Variants in UNKL observed in about 807,000 individuals in gnomAD.
UNKL encodes putative E3 ubiquitin-protein ligase UNKL.
A neutral mutation model predicts 78.0 loss-of-function variants in UNKL; 60 were observed. The ratio of observed to expected loss-of-function variants is 0.77; its 90% CI spans 0.63 to 0.95. The LOEUF is 0.95. Among genes scored for constraint, UNKL ranks in the 40% least tolerant of loss-of-function variants. The pLI, the probability that UNKL is intolerant of heterozygous loss-of-function variation, is 0.00. For missense variants in UNKL, 1,159 were observed against 1,045.7 expected, an observed-to-expected ratio of 1.11 and a Z score of -1.49; for synonymous variants, 608 against 474.8, an observed-to-expected ratio of 1.28 and a Z score of -3.65.
In UNKL at chr16:1,385,213, A is replaced by T; in HGVS notation, c.1259T>A (p.Val420Asp). The change falls in exon 10 of 15, where the codon GTC (valine) becomes GAC (aspartate). Residue 420 changes from valine (V) to aspartate (D), a missense_variant. Val to Asp is a radical substitution (Grantham distance 152, BLOSUM62 -3). Coordinates refer to ENST00000389221, the MANE Select transcript of UNKL (RefSeq NM_001372107.1). ...GAGGACGGTGCTGGACTTACCGAGG[A>T]CGGCCTCCACAGTGCTGCTGGCGGG... ...LGPASSTVEA[V>D]LGSALDLHLS... is the part of the protein sequence containing the mutation. The T allele has an allele frequency of 7.8e-7, 1 of 1,279,658 alleles. No individual in the cohort carries two copies. The highest frequency in any genetic ancestry group is 9.9e-7 in the Non-Finnish European group (1 of 1,013,668). 79.3% of individuals were successfully genotyped at this position (1,279,658 alleles called of 1,614,324 possible).
At position 1,403,458 on chromosome 16, in the gene UNKL, T is replaced by C. The variant is rs1234517464; in HGVS notation, c.288-114A>G. ...GCAAGCAGTGAATTCCCTTCCCTTC[T>C]TCCAGATTCCTGTTCTAATCAGAAG... is the stretch of plus-strand genomic sequence containing the variant. On this transcript the variant is annotated intron_variant, in intron 2 of 14. Transcript: ENST00000389221. This position sits in a 1 kb window ranked among gnomAD's most constrained non-coding sequence, Gnocchi z 4.8. The C allele has an allele frequency of 3.2e-6, 4 of 1,250,820 alleles. No homozygotes were observed. Among genetic ancestry groups the C allele is most frequent in the Non-Finnish European group, 1.1e-6 (1 of 911,472 alleles). 77.5% of individuals were successfully genotyped at this position (1,250,820 alleles called of 1,614,324 possible).
At position 1,385,341 on chromosome 16, in the gene UNKL, G is replaced by A. The variant is rs1454465563; in HGVS notation, c.1131C>T (p.Ser377=). 7.7e-6 allele frequency: 11 copies of A among 1,422,598 alleles called. No homozygotes were observed. In the Admixed American group the frequency reaches 8.8e-5, roughly 11 times the overall value. The allele number at this position is 1,422,598 out of a possible 1,614,324, so 88.1% of individuals were successfully genotyped here. Residue 377 remains serine, a synonymous_variant, in exon 10 of 15, where the codon AGC becomes AGT. Coordinates refer to ENST00000389221, the MANE Select transcript of UNKL (RefSeq NM_001372107.1). ...GGCTGGACGCCACGCTGGAGCTCAC[G>A]CTGGGGGCCGGCGGGTGGACCGCTG... The part of the protein sequence containing the change: ...VFAAVHPPAP[S]VSSSVASSLA...
chr16:1,365,139 GC>G lies in UNKL; in HGVS notation c.*1100del. 6.6e-6 allele frequency: 1 copy of G among 152,196 alleles called. No individual in the cohort carries two copies. Among genetic ancestry groups the G allele is most frequent in the South Asian group, 2.1e-4 (1 of 4,810 alleles). 9.4% of individuals were successfully genotyped at this position (152,196 alleles called of 1,614,324 possible). On this transcript the variant is annotated 3_prime_UTR_variant, in exon 15 of 15. Transcript: ENST00000389221. ...CTCCCGAGTAGCTGGGACTACAGGT[GC>G]CCGCTCTCACGCCAGGCCAATTTTT...
In UNKL at chr16:1,399,690, G is replaced by T. The variant is rs555406421; in HGVS notation, c.599-181C>A. The T allele has an allele frequency of 3.2e-6, 3 of 934,288 alleles. No individual in the cohort carries two copies. The highest frequency in any genetic ancestry group is 3.2e-5 in the South Asian group (2 of 62,134). The allele number at this position is 934,288 out of a possible 1,614,324, so 57.9% of individuals were successfully genotyped here. ...AAAGGACTCGCGCTCCATGAGGGAA[G>T]CCGGGCCAGAAGGCCACGTGGTGTG... On this transcript the variant is annotated intron_variant, in intron 4 of 14. Coordinates refer to ENST00000389221, the MANE Select transcript of UNKL (RefSeq NM_001372107.1). The surrounding 1 kb of genome is among the most constrained non-coding windows in gnomAD (Gnocchi z 5.8).
Position 1,388,749 on chromosome 16 carries a change from G to A in UNKL, c.1086+1883C>T, listed in dbSNP as rs111931630. 7.3e-3 allele frequency among the ~76,000 whole-genome samples: 1,106 copies of A among 151,684 alleles called. 14 individuals carry two copies. Among genetic ancestry groups the A allele is most frequent in the African/African-American group, 0.026 (1,052 of 41,164 alleles). On this transcript the variant is annotated intron_variant, in intron 9 of 14. Transcript: ENST00000389221. ...CACTAACACCGGCACCGTTCTCCCC[G>A]TGGGGACGCCACACCTCCGCTACCA...
chr16:1,391,775 C>A (rs931545502), intron 8 of UNKL, among the ~76,000 whole-genome samples: 2 of 152,188 alleles, frequency 1.3e-5, no homozygotes, highest in Non-Finnish European at 2.9e-5. Context: ...GCAAGCTCCA[C>A]CTCCCGGGTT....
rs76479654 is a variant in UNKL at position 1,381,284 on chromosome 16, G to A, written c.1264+3924C>T. ...ATTACTACTTTTAGGTTGGGGAAGA[G>A]AAACTTTATTTAAAAAGAATGTGTG... On this transcript the variant is annotated intron_variant, in intron 10 of 14. Coordinates refer to ENST00000389221, the MANE Select transcript of UNKL (RefSeq NM_001372107.1). Among the ~76,000 whole-genome samples, 1,433 of 152,290 alleles carry A rather than the reference G, an allele frequency of 9.4e-3. 26 individuals carry two copies. The highest frequency in any genetic ancestry group is 0.032 in the African/African-American group (1,326 of 41,564).
intron 10 of UNKL, among the ~76,000 whole-genome samples, chr16:1,383,240 C>T (rs2036672173): frequency 6.7e-6 from 1 of 149,520 alleles, no homozygotes; most frequent in Non-Finnish European, 1.5e-5. Context: ...CCACTGCACT[C>T]CAGCCTGGGC....
rs1005212159 is a variant in UNKL, at chr16:1,381,968, AAAAC to A, written c.1264+3236_1264+3239del. Among the ~76,000 whole-genome samples, 38 of 152,250 alleles carry A rather than the reference AAAAC, an allele frequency of 2.5e-4. 1 individual carries two copies. The South Asian group carries it at 2.9e-3, about 12-fold the overall frequency. ...AAAAAATAAAACCCCAAAATGAACAAAAACAAACTCAGGGAAGGCCGTCACCTGT... is the reference window on the plus strand; with the variant it reads ...AAAAAATAAAACCCCAAAATGAACAAAAACTCAGGGAAGGCCGTCACCTGT... On this transcript the variant is annotated intron_variant, in intron 10 of 14. Coordinates refer to ENST00000389221, the MANE Select transcript of UNKL (RefSeq NM_001372107.1).
In UNKL at chr16:1,387,740, C is replaced by T. The variant is rs2036871827; in HGVS notation, c.1087-2355G>A. Among the ~76,000 whole-genome samples the T allele has an allele frequency of 6.6e-6, 1 of 152,190 alleles. No individual in the cohort carries two copies. Among genetic ancestry groups the T allele is most frequent in the South Asian group, 2.1e-4 (1 of 4,834 alleles). Reference sequence around the variant, plus strand: ...ACTGCACAGCCGCACGGCTGCCCGGCCCTCCGGGGACGTGGACACTGCACC... The same window carrying T: ...ACTGCACAGCCGCACGGCTGCCCGGTCCTCCGGGGACGTGGACACTGCACC... On this transcript the variant is annotated intron_variant, in intron 9 of 14. Transcript: ENST00000389221. The surrounding 1 kb of genome is among the most constrained non-coding windows in gnomAD (Gnocchi z 4.1).
At chr16:1,386,909 C>A (rs1274281093) in intron 9 of UNKL, among the ~76,000 whole-genome samples, 1 of 152,176 alleles carries the variant, frequency 6.6e-6, no homozygotes, top group African/African-American at 2.4e-5. Context: ...AGACAGCCAC[C>A]AGAGCTCCCT....
At chr16:1,395,207 GC>G (rs1446103714) in intron 6 of UNKL, among the ~76,000 whole-genome samples, 2 of 132,264 alleles carry the variant, frequency 1.5e-5, no homozygotes, top group African/African-American at 2.9e-5. Context: ...TGGCTCTGTC[GC>G]CCAGGCTGGA....
intron 2 of UNKL, among the ~76,000 whole-genome samples, chr16:1,409,391 G>A (rs948186400): frequency 9.8e-6 from 1 of 102,062 alleles, no homozygotes; most frequent in South Asian, 3.9e-4. Flanking sequence ...CCCGTGGAAT[G>A]AAGGATAATT....
chr16:1,401,051 G>A (rs558921139), intron 4 of UNKL, among the ~76,000 whole-genome samples: 1 of 152,236 alleles, frequency 6.6e-6, no homozygotes, highest in South Asian at 2.1e-4. Context: ...GTGCCAGCCA[G>A]GAATGCAGGT....
intron 10 of UNKL, chr16:1,384,060 T>C: frequency 5.2e-6 from 1 of 191,870 alleles, no homozygotes; most frequent in Non-Finnish European, 1.2e-5. Context: ...TGGCCTTCCC[T>C]GAGTCCCTCA....
chr16:1,395,789 G>T (rs138044344), intron 6 of UNKL: 4 of 455,870 alleles, frequency 8.8e-6, no homozygotes, highest in African/African-American at 8.0e-5. Context: ...AAAACGCCCC[G>T]GACACCGGAC....
chr16:1,366,378 G>A lies in UNKL; in HGVS notation c.2064C>T (p.Arg688=), dbSNP rs113292764. Residue 688 remains arginine, a synonymous_variant, in exon 15 of 15, where the codon CGC becomes CGT. Transcript: ENST00000389221. ...EAVDGVIFQL[R]AKQCVACRER... is the part of the protein sequence containing the mutation. ...CCCGGCAGGCCACACACTGCTTGGCGCGGAGCTGGAAGATCACCTGCAGGG... is the reference window on the plus strand; with the variant it reads ...CCCGGCAGGCCACACACTGCTTGGCACGGAGCTGGAAGATCACCTGCAGGG... 1.1e-4 allele frequency: 179 copies of A among 1,596,354 alleles called. No homozygotes were observed. The African/African-American group carries it at 2.0e-3, about 18-fold the overall frequency.
intron 2 of UNKL, among the ~76,000 whole-genome samples, chr16:1,410,215 G>C (rs1021579534): frequency 1.3e-5 from 2 of 151,496 alleles, no homozygotes; most frequent in Non-Finnish European, 2.9e-5. Flanking sequence ...GCAGTGGGCT[G>C]TAATGGCACC....
Position 1,367,378 on chromosome 16 carries a change from C to A in UNKL, c.1789-29G>T, listed in dbSNP as rs111393375. Reference sequence around the variant, plus strand: ...AAACCCAGGGCCCGTCTCAGCACCCCCCACCTCACCTGTGCCACCTGCAGA... The same window carrying A: ...AAACCCAGGGCCCGTCTCAGCACCCACCACCTCACCTGTGCCACCTGCAGA... On this transcript the variant is annotated intron_variant, in intron 13 of 14. Coordinates refer to ENST00000389221, the MANE Select transcript of UNKL (RefSeq NM_001372107.1). The A allele has an allele frequency of 1.2e-3, 1,850 of 1,519,018 alleles. 21 individuals are homozygous for A. The African/African-American group carries it at 0.023, about 19-fold the overall frequency. The allele number at this position is 1,519,018 out of a possible 1,614,324, so 94.1% of individuals were successfully genotyped here. A position where few individuals can be genotyped will look rare whatever the true frequency, so the allele number is the denominator to read the frequency against.
Sources: allele counts gnomAD v4.1 joint callset (sites outside exome capture counted in the v4.1 genomes callset), GRCh38; gene constraint gnomAD v4.1.1; non-coding constraint Gnocchi (gnomAD v3.1); transcripts MANE v1.5; gene names NCBI Gene and HGNC (gene_info 2026-07-23, HGNC 2026-07-21).